The following HIBCH variants were observed in gnomAD, a reference collection of about 807,000 sequenced individuals.
HIBCH encodes the protein 3-hydroxyisobutyryl-CoA hydrolase, mitochondrial.
HIBCH carries 50 observed loss-of-function variants against 58.2 expected under a neutral mutation model. The ratio of observed to expected loss-of-function variants is 0.86; its 90% CI spans 0.68 to 1.09. The LOEUF is 1.09. Ranked by LOEUF, HIBCH falls within the 50% of genes least tolerant of loss-of-function variation. HIBCH has a pLI of 0.00. For missense variants in HIBCH, 450 were observed against 449.7 expected (o/e 1.00, Z -0.01); for synonymous variants, 151 against 146.9 (o/e 1.03, Z -0.20).
intron 6 of HIBCH, among the ~76,000 whole-genome samples, chr2:190,263,824 A>C (rs1687158961): frequency 6.6e-6 from 1 of 152,108 alleles, no homozygotes; most frequent in South Asian, 2.1e-4. Context: ...TAATCTATGA[A>C]CTATCCTGAG....
intron 11 of HIBCH, among the ~76,000 whole-genome samples, chr2:190,233,352 T>A (rs532977497): frequency 1.3e-5 from 2 of 152,248 alleles, no homozygotes; most frequent in Admixed American, 1.3e-4. Context: ...AATTCCCACG[T>A]GTTGTGAGAC....
chr2:190,194,475 T>TAC (rs1491294431), intron 1 of HIBCH, among the ~76,000 whole-genome samples: 225 of 126,912 alleles, frequency 1.8e-3, no homozygotes, highest in East Asian at 8.0e-3. Flanking sequence ...GTATCCTGTG[T>TAC]ATACACACAC....
Position 190,207,532 on chromosome 2 carries a change from G to A in HIBCH, c.1045+1348C>T. On this transcript the variant is annotated intron_variant, in intron 13 of 13. Coordinates refer to ENST00000359678, the MANE Select transcript of HIBCH (RefSeq NM_014362.4). The surrounding 1 kb of genome is among the most constrained non-coding windows in gnomAD (Gnocchi z 4.5). ...GAAGAGAACTCTATGAAGAGTGATTGTTTATCAAAGCTTAAGAGCTGAGAG... is the reference window on the plus strand; with the variant it reads ...GAAGAGAACTCTATGAAGAGTGATTATTTATCAAAGCTTAAGAGCTGAGAG... Among the ~76,000 whole-genome samples, 1 of 152,186 alleles carries A rather than the reference G, an allele frequency of 6.6e-6. No individual in the cohort carries two copies. Among genetic ancestry groups the A allele is most frequent in the Admixed American group, 6.5e-5 (1 of 15,276 alleles).
chr2:190,311,859 T>C (rs1688566482), intron 1 of HIBCH, among the ~76,000 whole-genome samples: 1 of 152,178 alleles, frequency 6.6e-6, no homozygotes, highest in Admixed American at 6.5e-5. Flanking sequence ...TTTTTTGCTG[T>C]CTTAAAAGTG....
In HIBCH at chr2:190,192,452, C is replaced by CTGTGTGTGTGTGTG. The variant is rs147936734; in HGVS notation, c.*18-2469_*18-2456dup. Among the ~76,000 whole-genome samples, 597 of 145,338 alleles carry CTGTGTGTGTGTGTG rather than the reference C, an allele frequency of 4.1e-3. 3 individuals are homozygous for CTGTGTGTGTGTGTG. Among genetic ancestry groups the CTGTGTGTGTGTGTG allele is most frequent in the African/African-American group, 0.012 (473 of 39,050 alleles). On this transcript the variant is annotated intron_variant, in intron 1 of 1. Transcript: ENST00000399855. ...TGTGTTTCCATGTATAATTCAGAAT[C>CTGTGTGTGTGTGTG]TGTGTGTGTGTGTGTGTGTGTGTGT...
At chr2:190,260,588 AT>A in intron 7 of HIBCH, 1 of 152,596 alleles carries the variant, frequency 6.6e-6, no homozygotes, top group South Asian at 2.1e-4. Flanking sequence ...AAGGTGGAAC[AT>A]TGTCACTACC....
At chr2:190,242,982 T>C (rs193216878) in intron 11 of HIBCH, among the ~76,000 whole-genome samples, 1 of 152,310 alleles carries the variant, frequency 6.6e-6, no homozygotes, top group African/African-American at 2.4e-5. Flanking sequence ...TTGTCTTTAT[T>C]TGAAGACTCA....
Position 190,206,120 on chromosome 2 carries a change from T to C in HIBCH, c.1046-888A>G, listed in dbSNP as rs1327415349. 2.0e-5 allele frequency among the ~76,000 whole-genome samples: 3 copies of C among 152,156 alleles called. No individual in the cohort carries two copies. Among genetic ancestry groups the C allele is most frequent in the Admixed American group, 2.0e-4 (3 of 15,282 alleles). ...TGAACTAGAAAAACCTAATTTAGCA[T>C]TTAAAGGCTAAAATAGTTAAAGAAG... On this transcript the variant is annotated intron_variant, in intron 13 of 13. Transcript: ENST00000359678. This position sits in a 1 kb window ranked among gnomAD's most constrained non-coding sequence, Gnocchi z 5.1.
chr2:190,226,103 T>C (rs1389060690), intron 11 of HIBCH, among the ~76,000 whole-genome samples: 1 of 152,188 alleles, frequency 6.6e-6, no homozygotes, highest in Non-Finnish European at 1.5e-5. Context: ...TGATGCGACG[T>C]ATCTCAAAAT....
chr2:190,258,818 A>C (rs1168391035), intron 7 of HIBCH, among the ~76,000 whole-genome samples: 1 of 152,164 alleles, frequency 6.6e-6, no homozygotes, highest in African/African-American at 2.4e-5. Context: ...GTATGGGTCT[A>C]ATTTCATTTT....
intron 7 of HIBCH, among the ~76,000 whole-genome samples, chr2:190,258,764 C>T (rs1687002464): frequency 6.6e-6 from 1 of 152,180 alleles, no homozygotes; most frequent in Non-Finnish European, 1.5e-5. Flanking sequence ...TGTATGACTA[C>T]ATCTTTAATC....
Position 190,209,179 on chromosome 2 carries a change from C to T in HIBCH, c.1012-266G>A, listed in dbSNP as rs1273360826. On this transcript the variant is annotated intron_variant, in intron 12 of 13. Transcript: ENST00000359678. The surrounding 1 kb of genome is among the most constrained non-coding windows in gnomAD (Gnocchi z 5.6). ...TTTCTCCCCATCTGTGCTGGCTTCA[C>T]TTTGCTCTTCATCCAGCCCAATTTC... Among the ~76,000 whole-genome samples the T allele has an allele frequency of 1.3e-5, 2 of 152,214 alleles. No homozygotes were observed. The highest frequency in any genetic ancestry group is 1.5e-5 in the Non-Finnish European group (1 of 68,030).
Position 190,306,392 on chromosome 2 carries a change from C to T in HIBCH, c.78+4362G>A, listed in dbSNP as rs758186654. On this transcript the variant is annotated intron_variant, in intron 2 of 13. Transcript: ENST00000359678. The surrounding 1 kb of genome is among the most constrained non-coding windows in gnomAD (Gnocchi z 4.6). ...AAAAGGTCTTTTGCTGTAGACTCCA[C>T]GAAGAAGAAGGTTTTTGCTGTGAGC... 6.6e-6 allele frequency among the ~76,000 whole-genome samples: 1 copy of T among 152,080 alleles called. No homozygotes were observed. The highest frequency in any genetic ancestry group is 2.4e-5 in the African/African-American group (1 of 41,398).
chr2:190,254,802 T>C lies in HIBCH; in HGVS notation c.518-2495A>G, dbSNP rs1686877444. Reference sequence around the variant, plus strand: ...CCTCCAAACTACTCCAAAGCCAAAATCTCTCCAGACTGTGCTGTCCAACAG... The same window carrying C: ...CCTCCAAACTACTCCAAAGCCAAAACCTCTCCAGACTGTGCTGTCCAACAG... On this transcript the variant is annotated intron_variant, in intron 7 of 13. Transcript: ENST00000359678. The surrounding 1 kb of genome is among the most constrained non-coding windows in gnomAD (Gnocchi z 5.0). Among the ~76,000 whole-genome samples, 1 of 152,122 alleles carries C rather than the reference T, an allele frequency of 6.6e-6. No individual in the cohort carries two copies.
chr2:190,205,136 C>G lies in HIBCH; in HGVS notation c.1142G>C (p.Ser381Thr), dbSNP rs1690358203. ...GTCACCTCAAAATTTCAAATCACTG[C>G]TTCCCAAAGACTTAAAGTGATTATT... ...DLNNHFKSLG[S>T]SDLKF The change falls in exon 14 of 14, where the codon AGC becomes ACC. Residue 381 changes from serine to threonine, a missense_variant. Ser to Thr is a moderately conservative substitution (Grantham distance 58). Transcript: ENST00000359678. 1 of 1,602,738 alleles carries G rather than the reference C, an allele frequency of 6.2e-7. No homozygotes were observed. Among genetic ancestry groups the G allele is most frequent in the Non-Finnish European group, 8.5e-7 (1 of 1,171,402 alleles).
Position 190,205,029 on chromosome 2 carries a change from A to T in HIBCH, c.*88T>A, listed in dbSNP as rs767950275. The T allele has an allele frequency of 4.9e-5, 36 of 731,782 alleles. No homozygotes were observed. The highest frequency in any genetic ancestry group is 8.3e-5 in the Non-Finnish European group (33 of 397,734). The allele number at this position is 731,782 out of a possible 1,614,324, so 45.3% of individuals were successfully genotyped here. On this transcript the variant is annotated 3_prime_UTR_variant, in exon 14 of 14. Transcript: ENST00000359678. Reference sequence around the variant, plus strand: ...GGAAACCATTCTTAGCTTACAGGGTATATAAAAACAGGCAGCAGGCTGGAT... The same window carrying T: ...GGAAACCATTCTTAGCTTACAGGGTTTATAAAAACAGGCAGCAGGCTGGAT...
chr2:190,290,004 G>A (rs1003210429), intron 5 of HIBCH, among the ~76,000 whole-genome samples: 4 of 152,016 alleles, frequency 2.6e-5, no homozygotes, highest in South Asian at 2.1e-4. Flanking sequence ...TCAGCCTCCC[G>A]AGTAGCTGGG....
At chr2:190,292,258 T>C (rs1217392560) in intron 4 of HIBCH, among the ~76,000 whole-genome samples, 4 of 152,024 alleles carry the variant, frequency 2.6e-5, no homozygotes, top group Admixed American at 1.3e-4. Context: ...AGAATTCTGA[T>C]ATCTCTTCCT....
At chr2:190,256,268 G>A (rs1440042866) in intron 7 of HIBCH, among the ~76,000 whole-genome samples, 1 of 151,988 alleles carries the variant, frequency 6.6e-6, no homozygotes, top group Non-Finnish European at 1.5e-5. Flanking sequence ...CACAGAAAAT[G>A]ATTATAGAGA....
Sources: allele counts gnomAD v4.1 joint callset (sites outside exome capture counted in the v4.1 genomes callset), GRCh38; gene constraint gnomAD v4.1.1; non-coding constraint Gnocchi (gnomAD v3.1); transcripts MANE v1.5; gene names NCBI Gene and HGNC (gene_info 2026-07-23, HGNC 2026-07-21).